Variants in PPARGC1B observed in about 807,000 individuals in gnomAD.
PPARGC1B encodes PPARG coactivator 1 beta, also known as peroxisome proliferator-activated receptor gamma coactivator 1-beta.
A neutral mutation model predicts 101.6 loss-of-function variants in PPARGC1B; 34 were observed. That is an observed-to-expected ratio of 0.33 (90% CI 0.25 to 0.45). PPARGC1B has a LOEUF of 0.45. Ranked by LOEUF, PPARGC1B falls within the 20% of genes least tolerant of loss-of-function variation. PPARGC1B has a pLI of 1.00. For synonymous variants in PPARGC1B, 548 were observed against 539.3 expected (o/e 1.02, Z -0.22); for missense variants, 1,234 against 1,317.6 (o/e 0.94, Z 0.98).
At chr5:149,842,137 A>ATTGCTCAC in intron 9 of PPARGC1B, 119 bp from the exon 10 acceptor site, 1 of 1,279,576 alleles carries the variant, frequency 7.8e-7, no homozygotes, top group Non-Finnish European at 1.1e-6. Flanking sequence ...TCCAGCCGGT[A>ATTGCTCAC]TTGCTCACTC....
chr5:149,843,546 A>G (rs1180808728), intron 10 of PPARGC1B, among the ~76,000 whole-genome samples: 1 of 152,202 alleles, frequency 6.6e-6, no homozygotes, highest in Non-Finnish European at 1.5e-5. Context: ...GTTGGTGGGA[A>G]TTTTAAATGA....
At chr5:149,772,202 G>A in intron 1 of PPARGC1B, 2 of 1,600,474 alleles carry the variant, frequency 1.2e-6, no homozygotes, top group Non-Finnish European at 8.5e-7. Flanking sequence ...CTGTGAGCTT[G>A]TTGGGTTGAC....
At chr5:149,791,485 C>T (rs933697440) in intron 1 of PPARGC1B, among the ~76,000 whole-genome samples, 19 of 152,096 alleles carry the variant, frequency 1.2e-4, no homozygotes, top group African/African-American at 4.3e-4. Context: ...TTCATGAGCT[C>T]CCCATCCCTG....
chr5:149,787,090 G>C (rs1053532003), intron 1 of PPARGC1B, among the ~76,000 whole-genome samples: 2 of 152,180 alleles, frequency 1.3e-5, no homozygotes, highest in African/African-American at 4.8e-5. Context: ...TTCCACACAG[G>C]CTCTTTCCAG....
At chr5:149,732,048 GTGTGT>G (rs1754506475) in intron 1 of PPARGC1B, among the ~76,000 whole-genome samples, 1 of 7,100 alleles carries the variant, frequency 1.4e-4, no homozygotes, top group African/African-American at 6.0e-4. Context: ...GCGCGCGGGT[GTGTGT>G]GTGTGTGTGT....
intron 1 of PPARGC1B, among the ~76,000 whole-genome samples, chr5:149,772,512 C>T (rs1210386492): frequency 6.6e-6 from 1 of 152,098 alleles, no homozygotes; most frequent in Non-Finnish European, 1.5e-5. Flanking sequence ...TTCTGAAGGC[C>T]AGAAGTCTAA....
chr5:149,803,477 C>G (rs539672829), intron 1 of PPARGC1B, among the ~76,000 whole-genome samples: 1 of 152,264 alleles, frequency 6.6e-6, no homozygotes, highest in South Asian at 2.1e-4. Context: ...TGGGAGAAAC[C>G]TAGTAGGGCA....
rs753826852 is a variant in PPARGC1B, at chr5:149,847,564, G to T, written c.*6G>T. On this transcript the variant is annotated 3_prime_UTR_variant, in exon 12 of 12. Transcript: ENST00000309241. Reference sequence around the variant, plus strand: ...CCCAGCAGAGCCTGCATTGATAACAGCCTTAACCCTCGAGGAATACCTCAA... The same window carrying T: ...CCCAGCAGAGCCTGCATTGATAACATCCTTAACCCTCGAGGAATACCTCAA... 2 of 1,606,300 alleles carry T rather than the reference G, an allele frequency of 1.2e-6. No individual in the cohort carries two copies. The highest frequency in any genetic ancestry group is 1.7e-6 in the Non-Finnish European group (2 of 1,173,012).
At chr5:149,781,894 A>G (rs974929006) in intron 1 of PPARGC1B, among the ~76,000 whole-genome samples, 3 of 152,196 alleles carry the variant, frequency 2.0e-5, no homozygotes, top group Admixed American at 6.5e-5. Context: ...CCTGTGAGGT[A>G]AACTCTATTT....
chr5:149,836,393 C>T lies in PPARGC1B; in HGVS notation c.1938C>T (p.Ala646=). The T allele has an allele frequency of 6.2e-7, 1 of 1,614,124 alleles. No homozygotes were observed. The highest frequency in any genetic ancestry group is 8.5e-7 in the Non-Finnish European group (1 of 1,180,022). The change falls in exon 8 of 12, where the codon GCC becomes GCT. Residue 646 remains alanine (A), a synonymous_variant. Coordinates refer to ENST00000309241, the MANE Select transcript of PPARGC1B (RefSeq NM_133263.4). ...LPSPEGLSLK[A]TPGAAHKLPK... Reference sequence around the variant, plus strand: ...CCCCTGAGGGCCTCTCACTCAAGGCCACCCCAGGGGCTGCCCACAAGCTGC... The same window carrying T: ...CCCCTGAGGGCCTCTCACTCAAGGCTACCCCAGGGGCTGCCCACAAGCTGC...
intron 10 of PPARGC1B, among the ~76,000 whole-genome samples, chr5:149,843,389 CAAT>C (rs1016925773): frequency 2.0e-5 from 3 of 152,176 alleles, no homozygotes; most frequent in African/African-American, 4.8e-5. Context: ...CATTCTAATA[CAAT>C]AATAATAATA....
At chr5:149,840,596 G>A (rs570900460) in intron 9 of PPARGC1B, among the ~76,000 whole-genome samples, 4 of 152,274 alleles carry the variant, frequency 2.6e-5, no homozygotes, top group African/African-American at 9.6e-5. Flanking sequence ...GATCAGTGCC[G>A]AGAGACCAAG....
At chr5:149,731,972 C>T (rs2340620) in intron 1 of PPARGC1B, among the ~76,000 whole-genome samples, 21,138 of 151,872 alleles carry the variant, frequency 0.14, 1,594 homozygotes, top group Admixed American at 0.24. Flanking sequence ...CGGCAGAGGC[C>T]GGAGGGGCTA....
chr5:149,781,481 A>G (rs990667065), intron 1 of PPARGC1B, among the ~76,000 whole-genome samples: 1 of 152,210 alleles, frequency 6.6e-6, no homozygotes, highest in Admixed American at 6.5e-5. Context: ...TCTGCCTCTC[A>G]GTCTTCTTGT....
rs369578137 is a variant in PPARGC1B at position 149,824,034 on chromosome 5, A to T, written c.253-2639A>T. On this transcript the variant is annotated intron_variant, in intron 2 of 11. Coordinates refer to ENST00000309241, the MANE Select transcript of PPARGC1B (RefSeq NM_133263.4). The stretch of plus-strand genomic sequence containing the variant: ...ATAATGGCAGATAGATTTCCTTGTG[A>T]GTGCCAACTGTGATTGATTGGCAGT... Among the ~76,000 whole-genome samples, 6 of 152,070 alleles carry T rather than the reference A, an allele frequency of 3.9e-5. No homozygotes were observed. In the East Asian group the frequency reaches 1.2e-3, roughly 29 times the overall value.
chr5:149,826,818 C>G lies in PPARGC1B; in HGVS notation c.398C>G (p.Ser133Cys), dbSNP rs1758543038. The change falls in exon 3 of 12, where the codon TCT becomes TGT. Residue 133 changes from serine to cysteine, a missense_variant. Ser to Cys is a moderately radical substitution (Grantham distance 112, BLOSUM62 -1). Transcript: ENST00000309241. ...SCTSASPAPS[S>C]APPSPAPEKP... The stretch of plus-strand genomic sequence containing the variant: ...ACCTCAGCTTCGCCTGCCCCCTCAT[C>G]TGCACCCCCCAGCCCTGCCCCGGAG... 6.2e-7 allele frequency: 1 copy of G among 1,613,966 alleles called. No homozygotes were observed.
At chr5:149,746,382 A>T (rs895204534) in intron 1 of PPARGC1B, among the ~76,000 whole-genome samples, 2 of 152,208 alleles carry the variant, frequency 1.3e-5, no homozygotes, top group Non-Finnish European at 1.5e-5. Flanking sequence ...GGCCTATTTT[A>T]CTTAGCATAG....
At chr5:149,829,959 C>T (rs1194822297) in intron 3 of PPARGC1B, among the ~76,000 whole-genome samples, 4 of 137,220 alleles carry the variant, frequency 2.9e-5, no homozygotes, top group Admixed American at 8.4e-5. Flanking sequence ...CGCTTGAACC[C>T]GTGAGGTGGA....
At chr5:149,754,957 T>C (rs560176789) in intron 1 of PPARGC1B, among the ~76,000 whole-genome samples, 8 of 149,324 alleles carry the variant, frequency 5.4e-5, no homozygotes, top group African/African-American at 2.0e-4. Context: ...AATTTTTGTA[T>C]ATATATATGT....
Sources: allele counts gnomAD v4.1 joint callset (sites outside exome capture counted in the v4.1 genomes callset), GRCh38; gene constraint gnomAD v4.1.1; transcripts MANE v1.5; gene names NCBI Gene and HGNC (gene_info 2026-07-23, HGNC 2026-07-21).